Variants in CADM2 observed in about 807,000 individuals in gnomAD.
CADM2 encodes the protein cell adhesion molecule 2, also known as immunoglobulin superfamily member 4D.
CADM2 carries 12 observed loss-of-function variants against 49.8 expected under a neutral mutation model. That is an observed-to-expected ratio of 0.24 (90% CI 0.15 to 0.39). The LOEUF (loss-of-function observed/expected upper bound fraction) is 0.39, where lower values mean the gene tolerates loss of function less well. Among genes scored for constraint, CADM2 ranks in the 10% least tolerant of loss-of-function variants. The pLI, the probability that CADM2 is intolerant of heterozygous loss-of-function variation, is 1.00. For synonymous variants in CADM2, 214 were observed against 175.4 expected, an observed-to-expected ratio of 1.22 and a Z score of -1.74; for missense variants, 378 against 492.3, an observed-to-expected ratio of 0.77 and a Z score of 2.20.
At chr3:85,958,553 T>C (rs1382507763) in intron 7 of CADM2, among the ~76,000 whole-genome samples, 2 of 151,988 alleles carry the variant, frequency 1.3e-5, no homozygotes, top group East Asian at 3.9e-4. Flanking sequence ...ATTGGGTATA[T>C]ACCCAAAGGA....
intron 1 of CADM2, among the ~76,000 whole-genome samples, chr3:85,658,488 A>G (rs986011175): frequency 2.0e-5 from 3 of 150,162 alleles, no homozygotes; most frequent in African/African-American, 7.3e-5. Context: ...AATACAACAT[A>G]TTTATAAGAT....
intron 1 of CADM2, among the ~76,000 whole-genome samples, chr3:85,615,527 CTA>C (rs1239396384): frequency 6.6e-6 from 1 of 151,906 alleles, no homozygotes; most frequent in African/African-American, 2.4e-5. Context: ...CTTACTGACC[CTA>C]TTTCTATTCC....
chr3:85,163,398 A>T (rs1039408231), intron 1 of CADM2, among the ~76,000 whole-genome samples: 1 of 152,108 alleles, frequency 6.6e-6, no homozygotes, highest in Non-Finnish European at 1.5e-5. Context: ...GTGAACTGGG[A>T]TACTGAAGCA....
intron 1 of CADM2, among the ~76,000 whole-genome samples, chr3:85,076,869 G>A (rs955725736): frequency 1.3e-5 from 2 of 152,116 alleles, no homozygotes; most frequent in African/African-American, 2.4e-5. Flanking sequence ...CTACTCTGGA[G>A]GCTGAGGCAG....
At chr3:85,304,654 GT>G (rs2044173464) in intron 1 of CADM2, among the ~76,000 whole-genome samples, 1 of 151,750 alleles carries the variant, frequency 6.6e-6, no homozygotes, top group Non-Finnish European at 1.5e-5. Context: ...CTGGACATAC[GT>G]TTAACTTTGT....
At chr3:85,479,171 G>T (rs2039106046) in intron 1 of CADM2, among the ~76,000 whole-genome samples, 1 of 151,744 alleles carries the variant, frequency 6.6e-6, no homozygotes, top group Admixed American at 6.6e-5. Context: ...TCAAGCTAGT[G>T]TCCAACTCCT....
At chr3:85,708,376 T>C (rs1342495435) in intron 1 of CADM2, among the ~76,000 whole-genome samples, 1 of 152,150 alleles carries the variant, frequency 6.6e-6, no homozygotes, top group African/African-American at 2.4e-5. Flanking sequence ...AAAAAATCCT[T>C]CAATCACAAA....
intron 3 of CADM2, among the ~76,000 whole-genome samples, chr3:85,882,229 T>A (rs1238485488): frequency 7.3e-6 from 1 of 137,516 alleles, no homozygotes; most frequent in Non-Finnish European, 1.5e-5. Context: ...TCAGAACCTC[T>A]AGATGGAGAG....
chr3:85,628,582 C>CATATATATACATATATATA (rs1376387149), intron 1 of CADM2, among the ~76,000 whole-genome samples: 3 of 137,972 alleles, frequency 2.2e-5, no homozygotes, highest in African/African-American at 8.2e-5. Context: ...TATACACACA[C>CATATATATACATATATATA]ATATATATAC....
At chr3:85,201,620 C>T (rs1233795695) in intron 1 of CADM2, among the ~76,000 whole-genome samples, 1 of 152,164 alleles carries the variant, frequency 6.6e-6, no homozygotes, top group Admixed American at 6.6e-5. Context: ...TTACCCACAG[C>T]AGAACTTCTT....
In CADM2 at chr3:85,656,479, G is replaced by T. The variant is rs138501109; in HGVS notation, c.62-70043G>T. Among the ~76,000 whole-genome samples the T allele has an allele frequency of 8.5e-3, 1,293 of 152,058 alleles. 14 individuals are homozygous for T. Among genetic ancestry groups the T allele is most frequent in the African/African-American group, 0.029 (1,220 of 41,470 alleles). ...AATATACAAAAGATTATCCAGGAGT[G>T]GTGTCGTGCACCTGTAATCCCAACT... On this transcript the variant is annotated intron_variant, in intron 1 of 9. Transcript: ENST00000383699.
At chr3:85,005,613 C>T (rs2033680155) in intron 1 of CADM2, among the ~76,000 whole-genome samples, 1 of 151,874 alleles carries the variant, frequency 6.6e-6, no homozygotes, top group African/African-American at 2.4e-5. Flanking sequence ...GAGCCATTAG[C>T]ACTGTCTGTG....
chr3:85,711,269 A>G (rs2067109381), intron 1 of CADM2, among the ~76,000 whole-genome samples: 1 of 152,098 alleles, frequency 6.6e-6, no homozygotes, highest in African/African-American at 2.4e-5. Context: ...GGGACTTTGA[A>G]GACTTGGAAC....
At position 85,791,152 on chromosome 3, in the gene CADM2, C is replaced by G. The variant is rs562379422; in HGVS notation, c.89-10895C>G. ...ATTCCAAAAGTGGAAACATTTTGCA[C>G]TTAGTTATCAGTCTTAGTTTTTCCT... On this transcript the variant is annotated intron_variant, in intron 2 of 9. Transcript: ENST00000383699. 2.6e-5 allele frequency among the ~76,000 whole-genome samples: 4 copies of G among 152,268 alleles called. No homozygotes were observed. In the South Asian group the frequency reaches 8.3e-4, roughly 32 times the overall value.
chr3:85,524,266 AT>A (rs1273596999), intron 1 of CADM2, among the ~76,000 whole-genome samples: 2 of 151,614 alleles, frequency 1.3e-5, no homozygotes, highest in Non-Finnish European at 2.9e-5. Context: ...TTTGTGTATA[AT>A]TTTTTCTTCT....
intron 1 of CADM2, among the ~76,000 whole-genome samples, chr3:85,495,018 T>C (rs1331737628): frequency 6.6e-6 from 1 of 152,232 alleles, no homozygotes; most frequent in Non-Finnish European, 1.5e-5. Flanking sequence ...GCATTTTTTC[T>C]AACACCTCTG....
intron 1 of CADM2, among the ~76,000 whole-genome samples, chr3:85,086,256 T>A (rs966969802): frequency 6.6e-6 from 1 of 152,204 alleles, no homozygotes; most frequent in African/African-American, 2.4e-5. Context: ...TTTTTATGTA[T>A]ATTATTTTTT....
chr3:86,020,085 G>A (rs560760835), intron 8 of CADM2, among the ~76,000 whole-genome samples: 30 of 152,048 alleles, frequency 2.0e-4, no homozygotes, highest in Non-Finnish European at 3.2e-4. Flanking sequence ...TTGATGGACC[G>A]CTAGCAAGAC....
At chr3:85,911,139 A>C (rs1175107344) in intron 5 of CADM2, among the ~76,000 whole-genome samples, 1 of 152,132 alleles carries the variant, frequency 6.6e-6, no homozygotes, top group East Asian at 1.9e-4. Flanking sequence ...TTGATACTGA[A>C]TGATGTAAAA....
Sources: gnomAD v4.1 joint callset for allele counts (sites outside exome capture counted in the v4.1 genomes callset) on GRCh38, gnomAD v4.1.1 for gene constraint, MANE v1.5 for transcripts, NCBI Gene and HGNC (gene_info 2026-07-23, HGNC 2026-07-21) for gene names.